Variants in OVOL1 observed in about 807,000 individuals in gnomAD.
The protein encoded by OVOL1 is ovo like transcriptional repressor 1.
OVOL1 carries 10 observed loss-of-function variants against 21.5 expected under a neutral mutation model. The ratio of observed to expected loss-of-function variants is 0.46; its 90% CI spans 0.29 to 0.79. The LOEUF (loss-of-function observed/expected upper bound fraction) is 0.79. OVOL1 is among the 30% of genes least tolerant of loss of function. OVOL1 has a pLI of 0.10. For synonymous variants in OVOL1, 129 were observed against 150.3 expected, an observed-to-expected ratio of 0.86 and a Z score of 1.03; for missense variants, 279 against 362.3, an observed-to-expected ratio of 0.77 and a Z score of 1.87.
At chr11:65,794,806 T>A (rs1858096982) in intron 3 of OVOL1, 79 bp downstream of exon 3, 1 of 1,428,946 alleles carries the variant, frequency 7.0e-7, no homozygotes, top group Admixed American at 1.7e-5. Context: ...CAGCACCCCC[T>A]GCTCTCCCTC....
At chr11:65,793,733 G>C in intron 1 of OVOL1, 1 of 478,900 alleles carries the variant, frequency 2.1e-6, no homozygotes. Flanking sequence ...CAGCCCAGGT[G>C]GGGCAGGCAG....
Position 65,791,894 on chromosome 11 carries a change from C to T in OVOL1, c.101-2137C>T, listed in dbSNP as rs368398726. ...CTGCTTCCTGCCTCCTGCCACTCAG[C>T]GACACTCAGTGCCAGGTGGCACGCC... On this transcript the variant is annotated intron_variant, in intron 1 of 3. Transcript: ENST00000335987. 3.0e-4 allele frequency among the ~76,000 whole-genome samples: 45 copies of T among 152,342 alleles called. 2 individuals are homozygous for T. Among genetic ancestry groups the T allele is most frequent in the East Asian group, 1.5e-3 (8 of 5,184 alleles).
At position 65,795,342 on chromosome 11, in the gene OVOL1, G is replaced by A; in HGVS notation, c.*1G>A. On this transcript the variant is annotated 3_prime_UTR_variant, in exon 4 of 4. Coordinates refer to ENST00000335987, the MANE Select transcript of OVOL1 (RefSeq NM_004561.4). This position sits in a 1 kb window ranked among gnomAD's most constrained non-coding sequence, Gnocchi z 5.7. ...GCTGCAGGGCAGCCCCCACCTGTGA[G>A]TGGCTCGAGCCCTGGGGGTGCTCCT... 6.3e-7 allele frequency: 1 copy of A among 1,585,956 alleles called. No homozygotes were observed. The highest frequency in any genetic ancestry group is 8.6e-7 in the Non-Finnish European group (1 of 1,168,806).
At chr11:65,788,665 C>T (rs1857951027) in intron 1 of OVOL1, 1 of 985,442 alleles carries the variant, frequency 1.0e-6, no homozygotes, top group Non-Finnish European at 1.2e-6. Context: ...TGTGGCCTGA[C>T]CTTCCAGGAC....
At position 65,794,018 on chromosome 11, in the gene OVOL1, G is replaced by A; in HGVS notation, c.101-13G>A. 1.2e-6 allele frequency: 2 copies of A among 1,610,990 alleles called. No homozygotes were observed. The highest frequency in any genetic ancestry group is 1.7e-6 in the Non-Finnish European group (2 of 1,177,722). On this transcript the variant is annotated splice_polypyrimidine_tract_variant and intron_variant, in intron 1 of 3. Transcript: ENST00000335987. Reference sequence around the variant, plus strand: ...TCTCCACCAAGCCTCTCACCTGTCTGTTCTCTCCCCAGTCAGCCTGGGCTT... The same window carrying A: ...TCTCCACCAAGCCTCTCACCTGTCTATTCTCTCCCCAGTCAGCCTGGGCTT...
At chr11:65,788,363 C>T in intron 1 of OVOL1, 1 of 621,812 alleles carries the variant, frequency 1.6e-6, no homozygotes, top group East Asian at 1.4e-4. Flanking sequence ...TCCTCCCCCA[C>T]CCCCAACAAA....
rs201370492 is a variant in OVOL1, at chr11:65,794,087, G to A, written c.157G>A (p.Glu53Lys). The change falls in exon 2 of 4, where the codon GAA (glutamate) becomes AAA (lysine). Residue 53 changes from glutamate to lysine, a missense_variant. Physicochemically the swap from Glu to Lys is moderately conservative, Grantham distance 56 (BLOSUM62 1). Transcript: ENST00000335987. ...CCGGGAGCCGGAACCCTCTGTGGCC[G>A]AACCCCCTTCCTGCCCGCTGGCTTT... ...PYREPEPSVA[E>K]PPSCPLALNM... 586 of 1,614,000 alleles carry A rather than the reference G, an allele frequency of 3.6e-4. 7 individuals carry two copies. The Middle Eastern group carries it at 4.6e-3, about 13-fold the overall frequency.
intron 1 of OVOL1, chr11:65,789,786 T>G (rs1857973450): frequency 1.3e-6 from 1 of 795,800 alleles, no homozygotes; most frequent in African/African-American, 1.9e-5. Flanking sequence ...GCCAGGTTCC[T>G]CTGAGACCCT....
chr11:65,790,364 G>A (rs1857990095), intron 1 of OVOL1: 1 of 152,250 alleles, frequency 6.6e-6, no homozygotes, highest in Non-Finnish European at 1.5e-5. Flanking sequence ...TCTGTCACTG[G>A]GCTGGCCACA....
chr11:65,791,527 G>A (rs746584614), intron 1 of OVOL1, among the ~76,000 whole-genome samples: 20 of 152,218 alleles, frequency 1.3e-4, no homozygotes, highest in Non-Finnish European at 2.4e-4. Context: ...GGGGGACCCG[G>A]CACTTTCCCC....
At chr11:65,790,458 G>A (rs2135700503) in intron 1 of OVOL1, 1 of 152,410 alleles carries the variant, frequency 6.6e-6, no homozygotes, top group East Asian at 1.9e-4. Context: ...CTTCCTTCAA[G>A]GAATGTGGTC....
At chr11:65,791,661 G>T (rs544976278) in intron 1 of OVOL1, among the ~76,000 whole-genome samples, 1 of 152,230 alleles carries the variant, frequency 6.6e-6, no homozygotes, top group African/African-American at 2.4e-5. Context: ...TCTGCTCTGA[G>T]CCTGGCCCTC....
At chr11:65,794,998 C>G in intron 3 of OVOL1, 48 bp from the exon 4 acceptor site, 1 of 1,585,040 alleles carries the variant, frequency 6.3e-7, no homozygotes, top group Non-Finnish European at 8.6e-7. Context: ...CCGACAGCCT[C>G]TGAAGTCCCT....
intron 1 of OVOL1, among the ~76,000 whole-genome samples, chr11:65,792,822 A>G (rs951378416): frequency 1.3e-5 from 2 of 152,312 alleles, no homozygotes; most frequent in Non-Finnish European, 2.9e-5. Context: ...TTGCTCCACA[A>G]TCACATTTCT....
intron 2 of OVOL1, 81 bp from the exon 3 acceptor site, chr11:65,794,457 C>G: frequency 1.5e-6 from 2 of 1,374,166 alleles, no homozygotes; most frequent in Non-Finnish European, 2.0e-6. Context: ...ACACTGGGGG[C>G]TGGCATCCAC....
chr11:65,789,471 C>T (rs1333693808), intron 1 of OVOL1: 3 of 156,784 alleles, frequency 1.9e-5, no homozygotes, highest in Non-Finnish European at 4.2e-5. Context: ...AGATAGAGAA[C>T]TTAATTTTAC....
chr11:65,794,915 G>T, intron 3 of OVOL1, 131 bp from the exon 4 acceptor site: 1 of 1,022,396 alleles, frequency 9.8e-7, no homozygotes, highest in Non-Finnish European at 1.4e-6. Flanking sequence ...TCGGGAAGTT[G>T]GTGTTGGACA....
In OVOL1 at chr11:65,794,018, G is replaced by T; in HGVS notation, c.101-13G>T. 6.2e-7 allele frequency: 1 copy of T among 1,610,990 alleles called. No individual in the cohort carries two copies. The highest frequency in any genetic ancestry group is 8.5e-7 in the Non-Finnish European group (1 of 1,177,722). ...TCTCCACCAAGCCTCTCACCTGTCT[G>T]TTCTCTCCCCAGTCAGCCTGGGCTT... On this transcript the variant is annotated splice_polypyrimidine_tract_variant and intron_variant, in intron 1 of 3. Coordinates refer to ENST00000335987, the MANE Select transcript of OVOL1 (RefSeq NM_004561.4).
chr11:65,787,321 G>A lies in OVOL1; in HGVS notation c.-53G>A. The A allele has an allele frequency of 2.8e-6, 4 of 1,447,258 alleles. No individual in the cohort carries two copies. Among genetic ancestry groups the A allele is most frequent in the South Asian group, 1.2e-5 (1 of 82,100 alleles). The allele number at this position is 1,447,258 out of a possible 1,614,324, so 89.7% of individuals were successfully genotyped here. A position where few individuals can be genotyped will look rare whatever the true frequency, so the allele number is the denominator to read the frequency against. On this transcript the variant is annotated 5_prime_UTR_variant, in exon 1 of 4. Transcript: ENST00000335987. ...AGCCCGGCCCCGCAAAGGTGGGACG[G>A]CTCCCGGCTTCAGTTACGGAAGCGG...
Sources: allele counts gnomAD v4.1 joint callset (sites outside exome capture counted in the v4.1 genomes callset), GRCh38; gene constraint gnomAD v4.1.1; non-coding constraint Gnocchi (gnomAD v3.1); transcripts MANE v1.5; gene names NCBI Gene and HGNC (gene_info 2026-07-23, HGNC 2026-07-21).